The following EP300 variants were observed in gnomAD, a reference collection of about 807,000 sequenced individuals.
EP300 encodes the protein EP300 lysine acetyltransferase, also known as histone acetyltransferase p300.
A neutral mutation model predicts 264.0 loss-of-function variants in EP300; 31 were observed. The observed-to-expected ratio is 0.12, with a 90% confidence interval of 0.09 to 0.16. EP300 has a LOEUF of 0.16. Among genes scored for constraint, EP300 ranks in the 10% least tolerant of loss-of-function variants. The pLI, the probability that EP300 is intolerant of heterozygous loss-of-function variation, is 1.00. For missense variants in EP300, 2,766 were observed against 3,052.9 expected, an observed-to-expected ratio of 0.91 and a Z score of 2.21; for synonymous variants, 1,340 against 1,045.4, an observed-to-expected ratio of 1.28 and a Z score of -5.44.
In EP300 at chr22:41,173,181, A is replaced by T. The variant is rs577683409; in HGVS notation, c.4618-442A>T. Among the ~76,000 whole-genome samples the T allele has an allele frequency of 5.9e-5, 9 of 152,360 alleles. No homozygotes were observed. The East Asian group carries it at 7.7e-4, about 13-fold the overall frequency. ...TTTAACTTAACAAAAGGCACCCTTAAATAGTCTGTTAACAAACTCTTACAG... is the reference window on the plus strand; with the variant it reads ...TTTAACTTAACAAAAGGCACCCTTATATAGTCTGTTAACAAACTCTTACAG... On this transcript the variant is annotated intron_variant, in intron 28 of 30. Transcript: ENST00000263253.
At position 41,165,841 on chromosome 22, in the gene EP300, C is replaced by G. The variant is rs1347579225; in HGVS notation, c.3807-758C>G. On this transcript the variant is annotated intron_variant, in intron 22 of 30. Coordinates refer to ENST00000263253, the MANE Select transcript of EP300 (RefSeq NM_001429.4). ...CTGGAGTGCAATGGTGTGATCTCAG[C>G]TCACTGCAACCTCCACCTCCTGGGT... 2.0e-5 allele frequency among the ~76,000 whole-genome samples: 3 copies of G among 152,148 alleles called. No homozygotes were observed. The South Asian group carries it at 6.2e-4, about 32-fold the overall frequency.
chr22:41,108,538 G>A (rs914616140), intron 1 of EP300, among the ~76,000 whole-genome samples: 6 of 151,998 alleles, frequency 3.9e-5, no homozygotes, highest in Admixed American at 6.6e-5. Context: ...CGTGAGCCAC[G>A]GTGCCCAACC....
rs1384749551 is a variant in EP300 at position 41,141,266 on chromosome 22, TA to T, written c.2053+48del. 7 of 1,578,306 alleles carry T rather than the reference TA, an allele frequency of 4.4e-6. No individual in the cohort carries two copies. In the Admixed American group the frequency reaches 8.4e-5, roughly 19 times the overall value. On this transcript the variant is annotated intron_variant, in intron 10 of 30. Transcript: ENST00000263253. ...ATTTCTGTTTGAGAGAAATTGATAATAAAATAGTTTCTATCTAAAGTCATTA... is the reference window on the plus strand; with the variant it reads ...ATTTCTGTTTGAGAGAAATTGATAATAAATAGTTTCTATCTAAAGTCATTA...
intron 2 of EP300, among the ~76,000 whole-genome samples, chr22:41,118,723 A>C (rs2058834878): frequency 6.6e-6 from 1 of 152,156 alleles, no homozygotes; most frequent in Non-Finnish European, 1.5e-5. Context: ...TGGGAGGCCA[A>C]GGCTAGAGGA....
At chr22:41,125,434 T>G (rs962269141) in intron 2 of EP300, among the ~76,000 whole-genome samples, 11 of 151,894 alleles carry the variant, frequency 7.2e-5, no homozygotes, top group Non-Finnish European at 1.3e-4. Flanking sequence ...TGGGGTTTTT[T>G]TTTTGTATTT....
In EP300 at chr22:41,178,237, C is replaced by G; in HGVS notation, c.6526C>G (p.Pro2176Ala). ...GATGAACATGAACCACAACACCATG[C>G]CTTCACAATTCCGAGACATCTTGAG... is the stretch of plus-strand genomic sequence containing the variant. ...QQMNMNHNTM[P>A]SQFRDILRRQ... The change falls in exon 31 of 31, where the codon CCT becomes GCT. Residue 2176 changes from proline to alanine, a missense_variant. Coordinates refer to ENST00000263253, the MANE Select transcript of EP300 (RefSeq NM_001429.4). 2.5e-6 allele frequency: 4 copies of G among 1,614,116 alleles called. No homozygotes were observed. The highest frequency in any genetic ancestry group is 3.4e-6 in the Non-Finnish European group (4 of 1,180,026).
intron 22 of EP300, among the ~76,000 whole-genome samples, chr22:41,165,151 AGT>A (rs1351096200): frequency 6.6e-6 from 1 of 152,184 alleles, no homozygotes; most frequent in Non-Finnish European, 1.5e-5. Context: ...TTGTCTTTTA[AGT>A]GTGCCTTTTT....
chr22:41,093,426 A>G (rs370380790), intron 1 of EP300, among the ~76,000 whole-genome samples: 77 of 152,292 alleles, frequency 5.1e-4, no homozygotes, highest in African/African-American at 1.7e-3. Context: ...AAGAGCTCCT[A>G]TGCAATTTAA....
chr22:41,095,348 C>T (rs2058696576), intron 1 of EP300, among the ~76,000 whole-genome samples: 1 of 144,648 alleles, frequency 6.9e-6, no homozygotes, highest in East Asian at 2.0e-4. Context: ...AGTTCTGTCT[C>T]AGCCTCCCTA....
At position 41,127,565 on chromosome 22, in the gene EP300, A is replaced by T; in HGVS notation, c.985A>T (p.Thr329Ser). ...CCAAGGGATGGGTTCTGGAGCACAT[A>T]CAGCTGATCCAGAGAAGCGCAAGCT... ...VAQGMGSGAH[T>S]ADPEKRKLIQ... Residue 329 changes from threonine to serine, a missense_variant, in exon 4 of 31, where the codon ACA becomes TCA. Physicochemically the swap from Thr to Ser is moderately conservative, Grantham distance 58 (BLOSUM62 1). Transcript: ENST00000263253. 5.6e-6 allele frequency: 9 copies of T among 1,614,240 alleles called. No individual in the cohort carries two copies. The highest frequency in any genetic ancestry group is 7.6e-6 in the Non-Finnish European group (9 of 1,180,038).
At chr22:41,125,790 G>A (rs1052459376) in intron 2 of EP300, 74 bp from the exon 3 acceptor site, 146 of 1,483,232 alleles carry the variant, frequency 9.8e-5, no homozygotes, top group Non-Finnish European at 1.3e-4. Context: ...GAACTTGGAA[G>A]TGAAATCAGA....
At chr22:41,147,721 G>A (rs2059019839) in intron 11 of EP300, 116 bp from the exon 12 acceptor site, 2 of 776,568 alleles carry the variant, frequency 2.6e-6, no homozygotes, top group African/African-American at 1.7e-5. Flanking sequence ...CTGGGCGACA[G>A]AGCAAGACTC....
At position 41,141,228 on chromosome 22, in the gene EP300, TG is replaced by T. The variant is rs113515593; in HGVS notation, c.2053+8del. On this transcript the variant is annotated splice_region_variant and intron_variant, in intron 10 of 30. Coordinates refer to ENST00000263253, the MANE Select transcript of EP300 (RefSeq NM_001429.4). Reference sequence around the variant, plus strand: ...GCAACCAGGAATGACTTCTAGTAAGTGGTTTTTGTTATATTTCTGTTTGAGA... The same window carrying T: ...GCAACCAGGAATGACTTCTAGTAAGTGTTTTTGTTATATTTCTGTTTGAGA... 6.2e-7 allele frequency: 1 copy of T among 1,613,166 alleles called. No individual in the cohort carries two copies. Among genetic ancestry groups the T allele is most frequent in the Non-Finnish European group, 8.5e-7 (1 of 1,179,186 alleles).
intron 1 of EP300, among the ~76,000 whole-genome samples, chr22:41,096,502 C>T (rs1256117689): frequency 1.3e-5 from 2 of 151,932 alleles, no homozygotes; most frequent in African/African-American, 4.8e-5. Context: ...GAGTTTTTCC[C>T]CCATTTCAAA....
At chr22:41,093,213 A>G in intron 1 of EP300, 115 bp downstream of exon 1, 1 of 1,070,634 alleles carries the variant, frequency 9.3e-7, no homozygotes, top group Non-Finnish European at 1.4e-6. Flanking sequence ...CCCCTTAATT[A>G]ATTTTAAAGG....
chr22:41,154,376 C>CTTT (rs869304891), intron 16 of EP300, among the ~76,000 whole-genome samples: 15,585 of 61,574 alleles, frequency 0.25, 3,547 homozygotes, highest in East Asian at 0.46. Context: ...CTTGTGCACT[C>CTTT]TTTTTTTTTT....
chr22:41,168,014 G>A (rs926566803), intron 23 of EP300, among the ~76,000 whole-genome samples: 1 of 150,466 alleles, frequency 6.6e-6, no homozygotes, highest in Non-Finnish European at 1.5e-5. Flanking sequence ...TAGAGACGGG[G>A]TTTCAGCATG....
intron 1 of EP300, among the ~76,000 whole-genome samples, chr22:41,094,018 G>T (rs1374415897): frequency 6.6e-6 from 1 of 152,170 alleles, no homozygotes; most frequent in African/African-American, 2.4e-5. Flanking sequence ...CAAGATTTTC[G>T]TTTAAAAGCT....
At position 41,117,326 on chromosome 22, in the gene EP300, T is replaced by C. The variant is rs756153554; in HGVS notation, c.234T>C (p.His78=). 1.2e-6 allele frequency: 2 copies of C among 1,614,218 alleles called. No individual in the cohort carries two copies. Among genetic ancestry groups the C allele is most frequent in the South Asian group, 2.2e-5 (2 of 91,090 alleles). Residue 78 remains histidine, a synonymous_variant, in exon 2 of 31, where the codon CAT becomes CAC. Transcript: ENST00000263253. ...TGGTACAAGATGCAGCTTCTAAACA[T>C]AAACAGCTGTCAGAATTGCTGCGAT... The part of the protein sequence containing the change: ...LGMVQDAASK[H]KQLSELLRSG...
Sources: gnomAD v4.1 joint callset for allele counts (sites outside exome capture counted in the v4.1 genomes callset) on GRCh38, gnomAD v4.1.1 for gene constraint, MANE v1.5 for transcripts, NCBI Gene and HGNC (gene_info 2026-07-23, HGNC 2026-07-21) for gene names.